The following SMARCAL1 variants were observed in gnomAD, a reference collection of about 807,000 sequenced individuals.
SMARCAL1 encodes the protein ATP-driven annealing helicase.
SMARCAL1 carries 58 observed loss-of-function variants against 94.5 expected under a neutral mutation model. The ratio of observed to expected loss-of-function variants is 0.61; its 90% confidence interval spans 0.50 to 0.76. SMARCAL1 has a LOEUF of 0.76. Among genes scored for constraint, SMARCAL1 ranks in the 30% least tolerant of loss-of-function variants. The pLI, the probability that SMARCAL1 is intolerant of heterozygous loss-of-function variation, is 0.00. For synonymous variants in SMARCAL1, 422 were observed against 455.1 expected (o/e 0.93, Z 0.93); for missense variants, 1,051 against 1,177.9 (o/e 0.89, Z 1.58).
intron 3 of SMARCAL1, 138 bp from the exon 4 acceptor site, chr2:216,416,119 A>G: frequency 1.3e-6 from 1 of 759,830 alleles, no homozygotes; most frequent in East Asian, 2.6e-5. Context: ...CTCTACAGAG[A>G]TTTTTATAGA....
chr2:216,463,090 T>C (rs1234085746), intron 12 of SMARCAL1, among the ~76,000 whole-genome samples: 3 of 152,180 alleles, frequency 2.0e-5, no homozygotes, highest in Non-Finnish European at 4.4e-5. Flanking sequence ...CTTTCCTGAG[T>C]TATCAAGATC....
chr2:216,438,444 A>G lies in SMARCAL1; in HGVS notation c.1669A>G (p.Ser557Gly). 6.2e-7 allele frequency: 1 copy of G among 1,614,122 alleles called. No individual in the cohort carries two copies. The highest frequency in any genetic ancestry group is 8.5e-7 in the Non-Finnish European group (1 of 1,179,990). Residue 557 changes from serine to glycine, a missense_variant, in exon 10 of 18, where the codon AGT becomes GGT. Physicochemically the swap from Ser to Gly is moderately conservative, Grantham distance 56. Coordinates refer to ENST00000357276, the MANE Select transcript of SMARCAL1 (RefSeq NM_014140.4). The part of the protein sequence containing the change: ...IIDESHFLKN[S>G]RTARCRAAMP... ...GGATGAATCTCACTTCCTCAAAAACAGTAGGACTGCCCGCTGTCGAGCAGC... is the reference window on the plus strand; with the variant it reads ...GGATGAATCTCACTTCCTCAAAAACGGTAGGACTGCCCGCTGTCGAGCAGC...
intron 17 of SMARCAL1, among the ~76,000 whole-genome samples, chr2:216,480,096 G>A (rs1695164668): frequency 6.6e-6 from 1 of 152,076 alleles, no homozygotes; most frequent in Admixed American, 6.5e-5. Context: ...ATTCTCACTT[G>A]AACTCATTTA....
Position 216,478,242 on chromosome 2 carries a change from C to G in SMARCAL1, c.2568C>G (p.Ala856=). The part of the protein sequence containing the change: ...IQEKIKVLAE[A]GLSETNFSEM... ...AGAAGATTAAAGTTCTGGCAGAAGCCGGGCTTTCTGAGACCAATTTTTCAG... is the reference window on the plus strand; with the variant it reads ...AGAAGATTAAAGTTCTGGCAGAAGCGGGGCTTTCTGAGACCAATTTTTCAG... The change falls in exon 17 of 18, where the codon GCC becomes GCG. Residue 856 remains alanine (A), a synonymous_variant. Transcript: ENST00000357276. The G allele has an allele frequency of 1.2e-6, 2 of 1,614,156 alleles. No individual in the cohort carries two copies. The highest frequency in any genetic ancestry group is 1.7e-6 in the Non-Finnish European group (2 of 1,180,022).
chr2:216,457,725 A>G (rs933202167), intron 12 of SMARCAL1, among the ~76,000 whole-genome samples: 3 of 152,240 alleles, frequency 2.0e-5, no homozygotes, highest in African/African-American at 7.2e-5. Flanking sequence ...AATGCCCACA[A>G]GAGAAAGCAG....
In SMARCAL1 at chr2:216,464,649, C is replaced by G; in HGVS notation, c.2123C>G (p.Ala708Gly). 6.2e-7 allele frequency: 1 copy of G among 1,607,758 alleles called. No homozygotes were observed. Among genetic ancestry groups the G allele is most frequent in the African/African-American group, 1.3e-5 (1 of 74,438 alleles). The change falls in exon 13 of 18, where the codon GCT becomes GGT. Residue 708 changes from alanine (A) to glycine (G), a missense_variant. Transcript: ENST00000357276. ...LILFFNRTAE[A>G]KIPSVIEYIL... ...CTCTTCTTCAACAGAACAGCTGAAG[C>G]TAAAATCCCATCTGTCATGTAAGTG...
At position 216,481,972 on chromosome 2, in the gene SMARCAL1, G is replaced by A. The variant is rs768900706; in HGVS notation, c.2626-766G>A. ...ATCGTGTGTTGTGGTTGTATCCACT[G>A]GGCATGGTTTTAACACTACACCATT... On this transcript the variant is annotated intron_variant, in intron 17 of 17. Coordinates refer to ENST00000357276, the MANE Select transcript of SMARCAL1 (RefSeq NM_014140.4). 4.6e-5 allele frequency among the ~76,000 whole-genome samples: 7 copies of A among 152,192 alleles called. No individual in the cohort carries two copies. In the East Asian group the frequency reaches 1.3e-3, roughly 29 times the overall value.
At position 216,483,037 on chromosome 2, in the gene SMARCAL1, T is replaced by C. The variant is rs1695234511; in HGVS notation, c.*60T>C. On this transcript the variant is annotated 3_prime_UTR_variant, in exon 18 of 18. Transcript: ENST00000357276. ...AAATCATGGAATTGAAATAAAATAA[T>C]GTATTTTGTTTTAAAACTTTTTGAG... 6.3e-7 allele frequency: 1 copy of C among 1,593,610 alleles called. No homozygotes were observed. The highest frequency in any genetic ancestry group is 1.1e-5 in the South Asian group (1 of 89,770).
intron 5 of SMARCAL1, among the ~76,000 whole-genome samples, chr2:216,422,888 A>T (rs961256191): frequency 1.3e-5 from 2 of 152,232 alleles, no homozygotes; most frequent in African/African-American, 2.4e-5. Context: ...CTTAGTTGAT[A>T]TTGTGTGTAA....
chr2:216,438,400 AT>A lies in SMARCAL1; in HGVS notation c.1645-19del. 1 of 1,610,280 alleles carries A rather than the reference AT, an allele frequency of 6.2e-7. No homozygotes were observed. The highest frequency in any genetic ancestry group is 8.5e-7 in the Non-Finnish European group (1 of 1,176,592). On this transcript the variant is annotated intron_variant, in intron 9 of 17. Transcript: ENST00000357276. ...ACTCAGGATTGGATCTTGTACACTT[AT>A]GTGGCTACTTCTTTTCAGGATGAAT...
intron 8 of SMARCAL1, among the ~76,000 whole-genome samples, chr2:216,433,157 T>G (rs972902752): frequency 3.9e-5 from 6 of 152,208 alleles, no homozygotes; most frequent in African/African-American, 1.2e-4. Context: ...ATAATACTTT[T>G]CATCTGTACC....
intron 9 of SMARCAL1, among the ~76,000 whole-genome samples, chr2:216,437,726 A>G (rs1399065474): frequency 6.6e-6 from 1 of 152,166 alleles, no homozygotes; most frequent in Non-Finnish European, 1.5e-5. Context: ...TTTAGAAAAT[A>G]TGATCAACTC....
intron 11 of SMARCAL1, 25 bp from the exon 12 acceptor site, chr2:216,450,821 G>C (rs921739568): frequency 1.3e-6 from 2 of 1,592,776 alleles, no homozygotes; most frequent in Non-Finnish European, 1.7e-6. Flanking sequence ...GCCTCATGGG[G>C]CTGTCGCTGT....
rs1266439039 is a variant in SMARCAL1 at position 216,482,601 on chromosome 2, T to TG, written c.2626-136dup. 1 of 1,212,488 alleles carries TG rather than the reference T, an allele frequency of 8.2e-7. No homozygotes were observed. The highest frequency in any genetic ancestry group is 1.5e-5 in the African/African-American group (1 of 66,686). The allele number at this position is 1,212,488 out of a possible 1,614,324, so 75.1% of individuals were successfully genotyped here. On this transcript the variant is annotated intron_variant, in intron 17 of 17. Coordinates refer to ENST00000357276, the MANE Select transcript of SMARCAL1 (RefSeq NM_014140.4). This position sits in a 1 kb window ranked among gnomAD's most constrained non-coding sequence, Gnocchi z 4.3. ...ATGGTTTGCTGAGATGATGCACACT[T>TG]GCCATCGTGTAGCTCCCTGACACCA...
intron 4 of SMARCAL1, among the ~76,000 whole-genome samples, chr2:216,416,948 T>C (rs1198047098): frequency 6.6e-6 from 1 of 152,208 alleles, no homozygotes; most frequent in African/African-American, 2.4e-5. Flanking sequence ...TACACTAAAG[T>C]TTTTGTCACT....
chr2:216,439,601 T>G (rs549848275), intron 10 of SMARCAL1, among the ~76,000 whole-genome samples: 1 of 152,344 alleles, frequency 6.6e-6, no homozygotes, highest in South Asian at 2.1e-4. Flanking sequence ...CGCTGAATGT[T>G]AATGAAGCTT....
At position 216,475,449 on chromosome 2, in the gene SMARCAL1, G is replaced by A. The variant is rs1695052762; in HGVS notation, c.2425G>A (p.Gly809Arg). 1.2e-6 allele frequency: 2 copies of A among 1,614,150 alleles called. No individual in the cohort carries two copies. Among genetic ancestry groups the A allele is most frequent in the Non-Finnish European group, 1.7e-6 (2 of 1,179,996 alleles). Reference protein sequence around the residue: ...VVFAELFWNPGVLIQAEDRVH... With the variant: ...VVFAELFWNPRVLIQAEDRVH... ...GTTTGCTGAGCTGTTTTGGAACCCA[G>A]GGGTAAGAGACGCAGAAGACTCAGA... The change falls in exon 15 of 18, where the codon GGG (glycine) becomes AGG (arginine). Residue 809 changes from glycine (G) to arginine (R), a missense_variant and splice_region_variant. By Grantham distance (125) the Gly-to-Arg change is moderately radical. Around this residue, in one of 3 missense-constraint regions of SMARCAL1, gnomAD observed 642 missense variants for 754.7 expected, o/e 0.85. Transcript: ENST00000357276. This position sits in a 1 kb window ranked among gnomAD's most constrained non-coding sequence, Gnocchi z 4.4.
chr2:216,470,644 C>T (rs983215449), intron 14 of SMARCAL1, among the ~76,000 whole-genome samples: 1 of 151,770 alleles, frequency 6.6e-6, no homozygotes, highest in African/African-American at 2.4e-5. Context: ...TGTACCACCA[C>T]GCCTTGCAAA....
Position 216,453,756 on chromosome 2 carries a change from C to A in SMARCAL1, c.2070+2692C>A, listed in dbSNP as rs114117641. 7.6e-3 allele frequency among the ~76,000 whole-genome samples: 1,152 copies of A among 152,330 alleles called. 7 individuals are homozygous for A. The highest frequency in any genetic ancestry group is 0.026 in the African/African-American group (1,082 of 41,570). ...TACTTTTTAGTCCCAAGTTTCCTTG[C>A]AATTTTGCAAATCATGGTGACTCCA... On this transcript the variant is annotated intron_variant, in intron 12 of 17. Coordinates refer to ENST00000357276, the MANE Select transcript of SMARCAL1 (RefSeq NM_014140.4).
Sources: gnomAD v4.1 joint callset for allele counts (sites outside exome capture counted in the v4.1 genomes callset) on GRCh38, gnomAD v4.1.1 for gene constraint, gnomAD v4.1.1 regional missense constraint, Gnocchi (gnomAD v3.1) non-coding constraint, MANE v1.5 for transcripts, NCBI Gene and HGNC (gene_info 2026-07-23, HGNC 2026-07-21) for gene names.